Variants in PRKD1 observed in about 807,000 individuals in gnomAD.
PRKD1 encodes protein kinase D1, also known as serine/threonine-protein kinase D1.
In PRKD1, 63 loss-of-function variants were observed where a neutral mutation model predicts 95.9. The ratio of observed to expected loss-of-function variants is 0.66; its 90% CI spans 0.54 to 0.81. The LOEUF (loss-of-function observed/expected upper bound fraction) is 0.81, where lower values mean the gene tolerates loss of function less well. PRKD1 is among the 30% of genes least tolerant of loss of function. PRKD1 has a pLI of 0.00. For missense variants in PRKD1, 1,048 were observed against 1,165.3 expected (o/e 0.90, Z 1.47); for synonymous variants, 425 against 423.1 (o/e 1.00, Z -0.05).
intron 1 of PRKD1, among the ~76,000 whole-genome samples, chr14:29,851,802 C>A (rs1892318532): frequency 6.6e-6 from 1 of 152,040 alleles, no homozygotes; most frequent in Non-Finnish European, 1.5e-5. Context: ...ACAGCACTAT[C>A]CATAATAGCA....
intron 1 of PRKD1, among the ~76,000 whole-genome samples, chr14:29,924,108 T>G (rs1895216504): frequency 6.6e-6 from 1 of 151,976 alleles, no homozygotes; most frequent in African/African-American, 2.4e-5. Flanking sequence ...GCAAACTAAA[T>G]AAACAAACAT....
At chr14:29,609,095 C>G (rs45514598) in intron 13 of PRKD1, among the ~76,000 whole-genome samples, 2 of 152,046 alleles carry the variant, frequency 1.3e-5, no homozygotes, top group Admixed American at 6.6e-5. Context: ...CACTGGACTC[C>G]GAGGATTCAG....
chr14:29,794,069 A>G (rs1000965697), intron 1 of PRKD1, among the ~76,000 whole-genome samples: 4 of 152,030 alleles, frequency 2.6e-5, no homozygotes, highest in African/African-American at 9.7e-5. Flanking sequence ...TAGAATGTAG[A>G]TTTATTATTA....
At chr14:29,613,764 T>C (rs771419670) in intron 13 of PRKD1, among the ~76,000 whole-genome samples, 1 of 152,232 alleles carries the variant, frequency 6.6e-6, no homozygotes, top group Non-Finnish European at 1.5e-5. Flanking sequence ...AGGTTCTCCA[T>C]GAACCCACAG....
At chr14:29,656,515 G>T in intron 4 of PRKD1, 3 of 1,535,300 alleles carry the variant, frequency 2.0e-6, no homozygotes, top group South Asian at 1.2e-5. Context: ...ACATGAAGTT[G>T]TAAGAGCAAA....
chr14:29,805,831 C>T (rs1352570272), intron 1 of PRKD1, among the ~76,000 whole-genome samples: 1 of 152,148 alleles, frequency 6.6e-6, no homozygotes, highest in East Asian at 1.9e-4. Flanking sequence ...AAGTGTGAGT[C>T]ATCACAAGGT....
intron 1 of PRKD1, 55 bp from the exon 2 acceptor site, chr14:29,725,729 G>A: frequency 1.3e-6 from 2 of 1,565,200 alleles, no homozygotes; most frequent in Non-Finnish European, 1.7e-6. Context: ...CAAATATTTT[G>A]TTTTAAATAT....
chr14:29,849,263 C>A (rs143020075), intron 1 of PRKD1, among the ~76,000 whole-genome samples: 1 of 152,146 alleles, frequency 6.6e-6, no homozygotes, highest in Admixed American at 6.6e-5. Context: ...TGAAGACATG[C>A]GTGCCCGCTT....
intron 1 of PRKD1, among the ~76,000 whole-genome samples, chr14:29,920,077 G>A (rs199587988): frequency 6.9e-6 from 1 of 143,996 alleles, no homozygotes; most frequent in Non-Finnish European, 1.5e-5. Context: ...AAGAAGGAAG[G>A]AAGGAAGGAG....
At position 29,819,562 on chromosome 14, in the gene PRKD1, C is replaced by T. The variant is rs960401971; in HGVS notation, c.265-93888G>A. 7.9e-5 allele frequency among the ~76,000 whole-genome samples: 12 copies of T among 152,042 alleles called. No individual in the cohort carries two copies. The East Asian group carries it at 1.7e-3, about 22-fold the overall frequency. On this transcript the variant is annotated intron_variant, in intron 1 of 17. Coordinates refer to ENST00000331968, the MANE Select transcript of PRKD1 (RefSeq NM_002742.3). ...AAAATTACCCGGGCGTGGTGGCGGG[C>T]GCCTGTAGTCCCAGCTACTCGGGAG...
At chr14:29,700,766 G>GA (rs765611335) in intron 2 of PRKD1, among the ~76,000 whole-genome samples, 3 of 152,092 alleles carry the variant, frequency 2.0e-5, no homozygotes, top group Non-Finnish European at 4.4e-5. Context: ...GGCATTAACA[G>GA]AAAAAAGACT....
At chr14:29,803,789 C>T (rs189728851) in intron 1 of PRKD1, among the ~76,000 whole-genome samples, 16 of 152,218 alleles carry the variant, frequency 1.1e-4, no homozygotes, top group Admixed American at 4.6e-4. Flanking sequence ...TATATTAATG[C>T]TTAGACTGAC....
chr14:29,883,979 C>A (rs1339691805), intron 1 of PRKD1, among the ~76,000 whole-genome samples: 1 of 152,174 alleles, frequency 6.6e-6, no homozygotes, highest in Non-Finnish European at 1.5e-5. Context: ...TCAATGAGAG[C>A]ATCATCTGCA....
intron 16 of PRKD1, among the ~76,000 whole-genome samples, chr14:29,579,256 C>A (rs536090583): frequency 6.6e-6 from 1 of 152,122 alleles, no homozygotes; most frequent in East Asian, 1.9e-4. Flanking sequence ...TTATTAAAGT[C>A]ATTCCCTCAC....
chr14:29,687,336 T>C (rs996802030), intron 2 of PRKD1, among the ~76,000 whole-genome samples: 5 of 152,156 alleles, frequency 3.3e-5, no homozygotes, highest in Non-Finnish European at 5.9e-5. Context: ...CTTCAGATTT[T>C]TGATGGGAAG....
chr14:29,920,133 G>C (rs1386646154), intron 1 of PRKD1, among the ~76,000 whole-genome samples: 2 of 151,666 alleles, frequency 1.3e-5, no homozygotes, highest in Non-Finnish European at 1.5e-5. Context: ...AAAGAAAAGA[G>C]AGAAGAAAAG....
chr14:29,925,568 C>T (rs2139147810), intron 1 of PRKD1, among the ~76,000 whole-genome samples: 1 of 152,226 alleles, frequency 6.6e-6, no homozygotes, highest in Non-Finnish European at 1.5e-5. Flanking sequence ...TGGAATTCAC[C>T]CTCCATTTAA....
intron 1 of PRKD1, among the ~76,000 whole-genome samples, chr14:29,871,944 T>C (rs1207093623): frequency 6.6e-6 from 1 of 152,230 alleles, no homozygotes; most frequent in Non-Finnish European, 1.5e-5. Flanking sequence ...GTGTGAAAGA[T>C]GTAAAACACT....
chr14:29,614,893 G>A (rs1195151304), intron 13 of PRKD1, among the ~76,000 whole-genome samples: 3 of 131,810 alleles, frequency 2.3e-5, no homozygotes, highest in Admixed American at 1.6e-4. Flanking sequence ...TGTATTTTTA[G>A]TAGAGACAGG....
Sources: allele counts gnomAD v4.1 joint callset (sites outside exome capture counted in the v4.1 genomes callset), GRCh38; gene constraint gnomAD v4.1.1; transcripts MANE v1.5; gene names NCBI Gene and HGNC (gene_info 2026-07-23, HGNC 2026-07-21).